Variants in SEC61A1 observed in about 807,000 individuals in gnomAD.
The protein encoded by SEC61A1 is SEC61 translocon subunit alpha 1, also known as protein transport protein Sec61 subunit alpha isoform 1.
In SEC61A1, 15 loss-of-function variants were observed where a neutral mutation model predicts 55.2. The observed-to-expected ratio is 0.27, with a 90% CI of 0.18 to 0.42. The LOEUF is 0.42. SEC61A1 is among the 10% of genes least tolerant of loss of function. The probability of loss-of-function intolerance (pLI) is 1.00; values close to 1 mark genes in which losing one functional copy is unlikely to be tolerated. For missense variants in SEC61A1, 284 were observed against 602.6 expected (o/e 0.47, Z 5.53); for synonymous variants, 247 against 234.0 (o/e 1.06, Z -0.51).
chr3:128,069,981 G>A lies in SEC61A1; in HGVS notation c.*319G>A, dbSNP rs982955372. The A allele has an allele frequency of 1.5e-5, 3 of 205,530 alleles. No individual in the cohort carries two copies. The highest frequency in any genetic ancestry group is 2.9e-5 in the Non-Finnish European group (3 of 103,068). The allele number at this position is 205,530 out of a possible 1,614,324, so 12.7% of individuals were successfully genotyped here. On this transcript the variant is annotated 3_prime_UTR_variant, in exon 12 of 12. Transcript: ENST00000243253. ...CACCTTCTCAGTGCTGTATGCGGCT[G>A]CAGCCGTCTCACCTGTTTCCCCACA...
intron 5 of SEC61A1, among the ~76,000 whole-genome samples, chr3:128,058,880 A>C (rs1941814746): frequency 6.6e-6 from 1 of 152,006 alleles, no homozygotes; most frequent in Non-Finnish European, 1.5e-5. Context: ...CTAAGAAAAC[A>C]AAAAAAGTAC....
At chr3:128,065,214 A>T (rs572236785) in intron 8 of SEC61A1, 177 bp downstream of exon 8, 1 of 741,478 alleles carries the variant, frequency 1.3e-6, no homozygotes, top group African/African-American at 1.7e-5. Flanking sequence ...TCATTGAGTC[A>T]TGGGACCTGC....
At chr3:128,063,542 G>T (rs1464775204) in intron 7 of SEC61A1, among the ~76,000 whole-genome samples, 1 of 152,198 alleles carries the variant, frequency 6.6e-6, no homozygotes, top group Non-Finnish European at 1.5e-5. Context: ...TCACCATCTT[G>T]GCCAGGCTGG....
At chr3:128,060,688 C>T (rs201596430) in intron 7 of SEC61A1, 27 bp downstream of exon 7, 15 of 1,601,436 alleles carry the variant, frequency 9.4e-6, no homozygotes, top group African/African-American at 2.7e-5. Flanking sequence ...CCCCTGGTGG[C>T]GACAGCTTTC....
upstream of SEC61A1, chr3:128,052,009 G>C (rs930170113): frequency 4.3e-5 from 39 of 902,770 alleles, no homozygotes; most frequent in Middle Eastern, 2.1e-4. Flanking sequence ...CCCTGCTCCA[G>C]GGAGCTTACG....
In SEC61A1 at chr3:128,067,482, C is replaced by T; in HGVS notation, c.1037C>T (p.Ser346Phe). The T allele has an allele frequency of 6.2e-7, 1 of 1,614,168 alleles. No individual in the cohort carries two copies. Among genetic ancestry groups the T allele is most frequent in the Non-Finnish European group, 8.5e-7 (1 of 1,180,028 alleles). Reference sequence around the variant, plus strand: ...GTTGGTGGCCTTTGCTATTACCTGTCCCCTCCAGAATCTTTTGGCTCCGTG... The same window carrying T: ...GTTGGTGGCCTTTGCTATTACCTGTTCCCTCCAGAATCTTTTGGCTCCGTG... ...YPVGGLCYYL[S>F]PPESFGSVLE... The change falls in exon 10 of 12, where the codon TCC (serine) becomes TTC (phenylalanine). Residue 346 changes from serine (S) to phenylalanine (F), a missense_variant. Ser to Phe is a radical substitution (Grantham distance 155). Coordinates refer to ENST00000243253, the MANE Select transcript of SEC61A1 (RefSeq NM_013336.4). This position sits in a 1 kb window ranked among gnomAD's most constrained non-coding sequence, Gnocchi z 4.1.
intron 5 of SEC61A1, 78 bp downstream of exon 5, chr3:128,056,918 CT>C: frequency 1.7e-6 from 2 of 1,142,948 alleles, no homozygotes; most frequent in Non-Finnish European, 2.3e-6. Context: ...ATCAGTTTTT[CT>C]TTTTTTATTT....
intron 4 of SEC61A1, among the ~76,000 whole-genome samples, chr3:128,056,123 G>C (rs548926111): frequency 6.6e-6 from 1 of 152,168 alleles, no homozygotes; most frequent in African/African-American, 2.4e-5. Context: ...CATATCTATA[G>C]GTTACATATA....
rs1278477847 is a variant in SEC61A1, at chr3:128,071,360, C to G, written c.*1698C>G. 1 of 152,558 alleles carries G rather than the reference C, an allele frequency of 6.6e-6. No homozygotes were observed. 9.5% of individuals were successfully genotyped at this position (152,558 alleles called of 1,614,324 possible). A position where few individuals can be genotyped will look rare whatever the true frequency, so the allele number is the denominator to read the frequency against. ...CCACATGGTTCTCCCACTGCCCTGT[C>G]TGCTCTGCTGCTACAGAGGGGCAGG... On this transcript the variant is annotated 3_prime_UTR_variant, in exon 12 of 12. Transcript: ENST00000243253.
upstream of SEC61A1, chr3:128,052,033 C>T (rs1941682135): frequency 2.6e-6 from 2 of 773,168 alleles, no homozygotes; most frequent in Non-Finnish European, 4.3e-6. Context: ...TATTCACTAA[C>T]GTCAAAGAGC....
chr3:128,061,285 T>G (rs995131789), intron 7 of SEC61A1, among the ~76,000 whole-genome samples: 2 of 152,226 alleles, frequency 1.3e-5, no homozygotes, highest in Non-Finnish European at 2.9e-5. Context: ...CTGGTAGATG[T>G]GTATCAAACA....
intron 2 of SEC61A1, 68 bp from the exon 3 acceptor site, chr3:128,055,448 G>A: frequency 8.1e-7 from 1 of 1,231,632 alleles, no homozygotes; most frequent in African/African-American, 1.5e-5. Flanking sequence ...GGGTCTGATT[G>A]GAGTCCATTT....
chr3:128,058,598 A>G (rs1452401952), intron 5 of SEC61A1, among the ~76,000 whole-genome samples: 1 of 152,200 alleles, frequency 6.6e-6, no homozygotes, highest in Non-Finnish European at 1.5e-5. Flanking sequence ...GCGGTGGCTC[A>G]TACTTGTATC....
rs1360467189 is a variant in SEC61A1, at chr3:128,063,841, CGT to C, written c.617-1035_617-1034del. On this transcript the variant is annotated intron_variant, in intron 7 of 11. Coordinates refer to ENST00000243253, the MANE Select transcript of SEC61A1 (RefSeq NM_013336.4). ...TTTTTTTCGCTTTTTAGTTTTTTAACGTAAGTAAATTTCTTGCTGATGTCTAA... is the reference window on the plus strand; with the variant it reads ...TTTTTTTCGCTTTTTAGTTTTTTAACAAGTAAATTTCTTGCTGATGTCTAA... Among the ~76,000 whole-genome samples the C allele has an allele frequency of 9.9e-5, 15 of 152,264 alleles. No individual in the cohort carries two copies. The East Asian group carries it at 2.9e-3, about 29-fold the overall frequency.
rs1054946735 is a variant in SEC61A1 at position 128,065,206 on chromosome 3, A to T, written c.777+169A>T. Reference sequence around the variant, plus strand: ...CCAGATGAGCTGGACAAGCATGTTCATTGAGTCATGGGACCTGCCATTAAC... The same window carrying T: ...CCAGATGAGCTGGACAAGCATGTTCTTTGAGTCATGGGACCTGCCATTAAC... On this transcript the variant is annotated intron_variant, in intron 8 of 11. Coordinates refer to ENST00000243253, the MANE Select transcript of SEC61A1 (RefSeq NM_013336.4). The T allele has an allele frequency of 3.8e-6, 3 of 783,170 alleles. No homozygotes were observed. In the Admixed American group the frequency reaches 5.9e-5, roughly 15 times the overall value. 48.5% of individuals were successfully genotyped at this position (783,170 alleles called of 1,614,324 possible).
At chr3:128,065,259 A>G in intron 8 of SEC61A1, 1 of 627,100 alleles carries the variant, frequency 1.6e-6, no homozygotes, top group East Asian at 2.7e-5. Flanking sequence ...GTTCTAACGT[A>G]AGTGAAATCA....
rs1003524306 is a variant in SEC61A1, at chr3:128,067,725, C to T, written c.1167+113C>T. The T allele has an allele frequency of 1.4e-4, 131 of 905,792 alleles. No individual in the cohort carries two copies. The highest frequency in any genetic ancestry group is 2.0e-4 in the Non-Finnish European group (120 of 597,122). The allele number at this position is 905,792 out of a possible 1,614,324, so 56.1% of individuals were successfully genotyped here. A position where few individuals can be genotyped will look rare whatever the true frequency, so the allele number is the denominator to read the frequency against. On this transcript the variant is annotated intron_variant, in intron 10 of 11. Coordinates refer to ENST00000243253, the MANE Select transcript of SEC61A1 (RefSeq NM_013336.4). This position sits in a 1 kb window ranked among gnomAD's most constrained non-coding sequence, Gnocchi z 4.1. ...TCTGTGACGTGTGCAGATAGATCGT[C>T]GTCCTTTAGGGGGCAGTTCAGAAGC... is the stretch of plus-strand genomic sequence containing the variant.
intron 11 of SEC61A1, 148 bp from the exon 12 acceptor site, chr3:128,069,328 G>A (rs1942082803): frequency 1.3e-6 from 1 of 753,710 alleles, no homozygotes; most frequent in Non-Finnish European, 2.2e-6. Flanking sequence ...TTGGCCTAGA[G>A]CGCTAGCATG....
At chr3:128,063,114 G>C (rs1260062535) in intron 7 of SEC61A1, among the ~76,000 whole-genome samples, 1 of 152,166 alleles carries the variant, frequency 6.6e-6, no homozygotes, top group African/African-American at 2.4e-5. Context: ...CAGCTACCAA[G>C]TTATTTTGGT....
Sources: allele counts gnomAD v4.1 joint callset (sites outside exome capture counted in the v4.1 genomes callset), GRCh38; gene constraint gnomAD v4.1.1; non-coding constraint Gnocchi (gnomAD v3.1); transcripts MANE v1.5; gene names NCBI Gene and HGNC (gene_info 2026-07-23, HGNC 2026-07-21).